Variants in CEP131 observed in about 807,000 individuals in gnomAD.
CEP131 encodes the protein centrosomal protein 131, also known as centrosomal protein of 131 kDa.
Under a neutral mutation model 136.8 loss-of-function variants are expected in CEP131, and 99 were observed. The observed-to-expected ratio is 0.72, with a 90% CI of 0.62 to 0.86. CEP131 has a LOEUF of 0.86. Among genes scored for constraint, CEP131 ranks in the 40% least tolerant of loss-of-function variants. CEP131 has a pLI of 0.00. For missense variants in CEP131, 1,459 were observed against 1,463.0 expected, an observed-to-expected ratio of 1.00 and a Z score of 0.04; for synonymous variants, 646 against 612.7, an observed-to-expected ratio of 1.05 and a Z score of -0.80.
At chr17:81,200,517 G>T in intron 7 of CEP131, 71 bp from the exon 8 acceptor site, 1 of 1,198,076 alleles carries the variant, frequency 8.3e-7, no homozygotes, top group Non-Finnish European at 1.2e-6. Context: ...GCTGCTGGTG[G>T]AAGGTCGAGC....
In CEP131 at chr17:81,215,267, T is replaced by A. The variant is rs1428621120; in HGVS notation, c.177+4613A>T. 6.6e-6 allele frequency among the ~76,000 whole-genome samples: 1 copy of A among 151,800 alleles called. No individual in the cohort carries two copies. The highest frequency in any genetic ancestry group is 1.5e-5 in the Non-Finnish European group (1 of 67,966). On this transcript the variant is annotated intron_variant, in intron 2 of 25. Transcript: ENST00000450824. This position sits in a 1 kb window ranked among gnomAD's most constrained non-coding sequence, Gnocchi z 4.1. Reference sequence around the variant, plus strand: ...GCACCACCACACTCGGCTAATTTTTTAATTTTTTTGTAGAGACAGGGGTCT... The same window carrying A: ...GCACCACCACACTCGGCTAATTTTTAAATTTTTTTGTAGAGACAGGGGTCT...
chr17:81,207,310 C>T, intron 3 of CEP131, 71 bp from the exon 4 acceptor site: 1 of 1,393,590 alleles, frequency 7.2e-7, no homozygotes, highest in Non-Finnish European at 1.0e-6. Flanking sequence ...GCACACAGAC[C>T]AGGCAGGTCC....
intron 18 of CEP131, among the ~76,000 whole-genome samples, chr17:81,193,257 C>T (rs894454499): frequency 2.6e-5 from 4 of 152,134 alleles, no homozygotes; most frequent in African/African-American, 2.4e-5. Flanking sequence ...TGCCTGGCTC[C>T]GTGACCTGAG....
intron 16 of CEP131, 47 bp from the exon 17 acceptor site, chr17:81,195,019 G>A (rs769931717): frequency 2.7e-5 from 40 of 1,470,416 alleles, no homozygotes; most frequent in Admixed American, 1.6e-4. Flanking sequence ...GGACACCCCC[G>A]TCCCTTTGCC....
At chr17:81,218,058 T>C (rs1304738490) in intron 2 of CEP131, among the ~76,000 whole-genome samples, 1 of 151,734 alleles carries the variant, frequency 6.6e-6, no homozygotes, top group Non-Finnish European at 1.5e-5. Context: ...TCTTTCTTTT[T>C]TTGAGACAGA....
Position 81,191,289 on chromosome 17 carries a change from C to T in CEP131, c.2669G>A (p.Arg890Gln), listed in dbSNP as rs764480652. Residue 890 changes from arginine (R) to glutamine (Q), a missense_variant, in exon 22 of 26, where the codon CGG becomes CAG. This residue lies in a region of CEP131 where 1,026 missense variants were observed against 964.2 expected (regional missense o/e 1.06). Transcript: ENST00000450824. Reference sequence around the variant, plus strand: ...CTCAATCTCCTTGTCCCGGCCTTTCCGGATTTCTTCCCTCAGCTCCTGTTC... The same window carrying T: ...CTCAATCTCCTTGTCCCGGCCTTTCTGGATTTCTTCCCTCAGCTCCTGTTC... The part of the protein sequence containing the change: ...NREQELREEI[R>Q]KGRDKEIELV... 56 of 1,613,350 alleles carry T rather than the reference C, an allele frequency of 3.5e-5. No homozygotes were observed. Among genetic ancestry groups the T allele is most frequent in the East Asian group, 1.1e-4 (5 of 44,886 alleles).
At chr17:81,200,486 C>T (rs1393275391) in intron 7 of CEP131, 40 bp from the exon 8 acceptor site, 27 of 1,459,392 alleles carry the variant, frequency 1.9e-5, no homozygotes, top group East Asian at 2.5e-5. Context: ...ACAGGACCAG[C>T]GCCCCGGCAG....
At chr17:81,212,041 G>A (rs1252765310) in intron 2 of CEP131, among the ~76,000 whole-genome samples, 8 of 152,032 alleles carry the variant, frequency 5.3e-5, no homozygotes, top group African/African-American at 1.9e-4. Context: ...GTGGCCGGGT[G>A]CGGTGGCTCA....
chr17:81,201,333 G>A (rs372885409), intron 7 of CEP131, among the ~76,000 whole-genome samples: 9 of 152,118 alleles, frequency 5.9e-5, no homozygotes, highest in African/African-American at 1.2e-4. Flanking sequence ...AGCAGGCTCC[G>A]AAAGTCCAGG....
In CEP131 at chr17:81,203,165, G is replaced by A. The variant is rs138600554; in HGVS notation, c.629+329C>T. Reference sequence around the variant, plus strand: ...GCACAAGCCTTGGCTTCCTCCTGGGGGCCCCACCTCAGGGTGAGCCCCAGA... The same window carrying A: ...GCACAAGCCTTGGCTTCCTCCTGGGAGCCCCACCTCAGGGTGAGCCCCAGA... On this transcript the variant is annotated intron_variant, in intron 6 of 25. Coordinates refer to ENST00000450824, the MANE Select transcript of CEP131 (RefSeq NM_014984.4). The surrounding 1 kb of genome is among the most constrained non-coding windows in gnomAD (Gnocchi z 4.6). Among the ~76,000 whole-genome samples, 337 of 152,158 alleles carry A rather than the reference G, an allele frequency of 2.2e-3. No homozygotes were observed. The highest frequency in any genetic ancestry group is 7.7e-3 in the African/African-American group (320 of 41,476).
chr17:81,191,920 C>T (rs1469551951), intron 21 of CEP131, among the ~76,000 whole-genome samples: 1 of 152,146 alleles, frequency 6.6e-6, no homozygotes, highest in African/African-American at 2.4e-5. Context: ...GTGTGTGGGA[C>T]TGTCACCGTG....
rs1239969371 is a variant in CEP131 at position 81,222,860 on chromosome 17, C to T, written c.-109G>A. 1 of 152,288 alleles carries T rather than the reference C, an allele frequency of 6.6e-6. No homozygotes were observed. The highest frequency in any genetic ancestry group is 1.9e-4 in the East Asian group (1 of 5,192). The allele number at this position is 152,288 out of a possible 1,614,324, so 9.4% of individuals were successfully genotyped here. ...GGGAGGGGATGCGGAACCAGTCGCG[C>T]CCAAACCTCGGGTCGGCGACCTGGC... is the stretch of plus-strand genomic sequence containing the variant. On this transcript the variant is annotated 5_prime_UTR_variant, in exon 1 of 26. Transcript: ENST00000450824.
chr17:81,218,218 T>G (rs2062298935), intron 2 of CEP131, among the ~76,000 whole-genome samples: 1 of 152,186 alleles, frequency 6.6e-6, no homozygotes, highest in South Asian at 2.1e-4. Context: ...AATTTTTGCA[T>G]TTTCAGTAGA....
rs1354740225 is a variant in CEP131 at position 81,206,890 on chromosome 17, C to T, written c.388-19G>A. 1.2e-6 allele frequency: 2 copies of T among 1,609,982 alleles called. No homozygotes were observed. Among genetic ancestry groups the T allele is most frequent in the Non-Finnish European group, 1.7e-6 (2 of 1,178,732 alleles). On this transcript the variant is annotated intron_variant, in intron 4 of 25. Coordinates refer to ENST00000450824, the MANE Select transcript of CEP131 (RefSeq NM_014984.4). Reference sequence around the variant, plus strand: ...GGTCATCCTGTCAGACAGCTCAGCCCATGACACCGCCCGCACACACCCAGA... The same window carrying T: ...GGTCATCCTGTCAGACAGCTCAGCCTATGACACCGCCCGCACACACCCAGA...
chr17:81,199,291 A>G (rs554855245), intron 10 of CEP131, 90 bp downstream of exon 10: 84 of 1,393,812 alleles, frequency 6.0e-5, no homozygotes, highest in Non-Finnish European at 7.7e-5. Context: ...GCAGCAGCAC[A>G]GGAGGCCGAG....
intron 10 of CEP131, among the ~76,000 whole-genome samples, 158 bp from the exon 11 acceptor site, chr17:81,199,129 G>A (rs371888249): frequency 1.3e-5 from 2 of 152,316 alleles, no homozygotes; most frequent in African/African-American, 4.8e-5. Context: ...GTGTGGAGCT[G>A]TGGAGGATGA....
intron 19 of CEP131, 51 bp downstream of exon 19, chr17:81,192,685 G>GGGGCGGCCC: frequency 2.1e-6 from 1 of 478,438 alleles, no homozygotes; most frequent in Non-Finnish European, 4.1e-6. Context: ...GGGGGGAGGG[G>GGGGCGGCCC]TCAGCCAGCG....
intron 2 of CEP131, among the ~76,000 whole-genome samples, chr17:81,214,263 A>T (rs1402803898): frequency 1.3e-5 from 2 of 152,230 alleles, no homozygotes; most frequent in East Asian, 1.9e-4. Context: ...GTTTATTTTT[A>T]AAAATCGTAC....
chr17:81,217,764 G>A (rs979435684), intron 2 of CEP131, among the ~76,000 whole-genome samples: 5 of 152,182 alleles, frequency 3.3e-5, no homozygotes, highest in South Asian at 2.1e-4. Flanking sequence ...CTGCGGGAGC[G>A]GGCAATGGTA....
Sources: gnomAD v4.1 joint callset for allele counts (sites outside exome capture counted in the v4.1 genomes callset) on GRCh38, gnomAD v4.1.1 for gene constraint, gnomAD v4.1.1 regional missense constraint, Gnocchi (gnomAD v3.1) non-coding constraint, MANE v1.5 for transcripts, NCBI Gene and HGNC (gene_info 2026-07-23, HGNC 2026-07-21) for gene names.